The following CFAP69 variants were observed in gnomAD, a reference collection of about 807,000 sequenced individuals.
CFAP69 encodes cilia- and flagella-associated protein 69.
Under a neutral mutation model 123.0 loss-of-function variants are expected in CFAP69, and 92 were observed. The ratio of observed to expected loss-of-function variants is 0.75; its 90% CI spans 0.63 to 0.89. CFAP69 has a LOEUF of 0.89. Ranked by LOEUF, CFAP69 falls within the 40% of genes least tolerant of loss-of-function variation. The pLI is 0.00. For missense variants in CFAP69, 1,067 were observed against 1,096.9 expected (o/e 0.97, Z 0.39); for synonymous variants, 380 against 364.3 (o/e 1.04, Z -0.49).
rs1230686960 is a variant in CFAP69, at chr7:90,266,118, A to G, written c.433+741A>G. 6 of 152,166 alleles carry G rather than the reference A, an allele frequency of 3.9e-5. No individual in the cohort carries two copies. The East Asian group carries it at 1.2e-3, about 29-fold the overall frequency. The allele number at this position is 152,166 out of a possible 1,614,324, so 9.4% of individuals were successfully genotyped here. A position where few individuals can be genotyped will look rare whatever the true frequency, so the allele number is the denominator to read the frequency against. ...CATTTTTAAAAATATTTACGGAATA[A>G]TGATGTTCCCAGCATTATACTCCAT... On this transcript the variant is annotated intron_variant, in intron 5 of 22. Transcript: ENST00000389297.
chr7:90,282,966 A>G lies in CFAP69; in HGVS notation c.1447A>G (p.Ser483Gly), dbSNP rs755861291. The change falls in exon 13 of 23, where the codon AGT (serine) becomes GGT (glycine). Residue 483 changes from serine to glycine, a missense_variant. By Grantham distance (56) the Ser-to-Gly change is moderately conservative. Transcript: ENST00000389297. ...RGNKFAQMRY[S>G]LRLLRAVVYL... is the part of the protein sequence containing the mutation. Reference sequence around the variant, plus strand: ...CAACAAGTTTGCCCAGATGCGTTACAGTTTAAGACTCCTGAGAGCCGTGGT... The same window carrying G: ...CAACAAGTTTGCCCAGATGCGTTACGGTTTAAGACTCCTGAGAGCCGTGGT... 6 of 1,600,638 alleles carry G rather than the reference A, an allele frequency of 3.7e-6. No individual in the cohort carries two copies. The Admixed American group carries it at 8.7e-5, about 23-fold the overall frequency.
chr7:90,276,435 G>C (rs758727301), intron 9 of CFAP69, among the ~76,000 whole-genome samples: 1 of 152,162 alleles, frequency 6.6e-6, no homozygotes, highest in Non-Finnish European at 1.5e-5. Context: ...AAACCATATA[G>C]ATCCTAAAGT....
At position 90,299,928 on chromosome 7, in the gene CFAP69, C is replaced by T. The variant is rs866515548; in HGVS notation, c.1919C>T (p.Pro640Leu). The part of the protein sequence containing the change: ...LGIMVEFCDN[P>L]KTAAHVNAWQ... The stretch of plus-strand genomic sequence containing the variant: ...ATAATGGTTGAATTTTGTGATAATC[C>T]CAAAACTGCAGCTCATGTCAATGCT... The change falls in exon 17 of 23, where the codon CCC (proline) becomes CTC (leucine). Residue 640 changes from proline (P) to leucine (L), a missense_variant. Coordinates refer to ENST00000389297, the MANE Select transcript of CFAP69 (RefSeq NM_001039706.3). The T allele has an allele frequency of 6.2e-7, 1 of 1,610,326 alleles. No individual in the cohort carries two copies. Among genetic ancestry groups the T allele is most frequent in the African/African-American group, 1.3e-5 (1 of 74,626 alleles).
intron 12 of CFAP69, among the ~76,000 whole-genome samples, chr7:90,280,293 G>T (rs896216340): frequency 8.5e-5 from 13 of 152,128 alleles, no homozygotes; most frequent in Non-Finnish European, 1.8e-4. Context: ...AACCTCCTGG[G>T]CTCTAGCGAT....
intron 4 of CFAP69, among the ~76,000 whole-genome samples, chr7:90,262,854 G>C (rs893980144): frequency 6.6e-6 from 1 of 151,854 alleles, no homozygotes; most frequent in Non-Finnish European, 1.5e-5. Flanking sequence ...CTCACTTTTA[G>C]ATTTACTAGC....
chr7:90,264,293 G>T (rs1040572553), intron 4 of CFAP69, among the ~76,000 whole-genome samples: 1 of 151,320 alleles, frequency 6.6e-6, no homozygotes, highest in African/African-American at 2.4e-5. Context: ...ACTGACCCAG[G>T]TTTATGTGCT....
intron 17 of CFAP69, 36 bp downstream of exon 17, chr7:90,300,095 A>C: frequency 5.6e-6 from 8 of 1,430,214 alleles, no homozygotes; most frequent in Non-Finnish European, 7.4e-6. Context: ...GAAGCAATTA[A>C]TGTATATATT....
chr7:90,245,379 G>A lies in CFAP69; in HGVS notation c.-46G>A, dbSNP rs1261792550. On this transcript the variant is annotated 5_prime_UTR_variant, in exon 1 of 23. Coordinates refer to ENST00000389297, the MANE Select transcript of CFAP69 (RefSeq NM_001039706.3). ...TGGGCCCAGCGGCTGCGGGCGCACT[G>A]TAGGACAGGAAGATCCCCCCACTCT... 6.7e-7 allele frequency: 1 copy of A among 1,491,150 alleles called. No homozygotes were observed. The highest frequency in any genetic ancestry group is 1.3e-5 in the South Asian group (1 of 75,500). The allele number at this position is 1,491,150 out of a possible 1,614,324, so 92.4% of individuals were successfully genotyped here.
At chr7:90,292,232 C>T (rs1791311310) in intron 15 of CFAP69, among the ~76,000 whole-genome samples, 1 of 152,100 alleles carries the variant, frequency 6.6e-6, no homozygotes, top group African/African-American at 2.4e-5. Context: ...AAAGCCAAGC[C>T]CAGCCATGGG....
chr7:90,277,090 G>A lies in CFAP69; in HGVS notation c.1002G>A (p.Lys334=). The A allele has an allele frequency of 6.4e-7, 1 of 1,568,830 alleles. No individual in the cohort carries two copies. The highest frequency in any genetic ancestry group is 8.6e-7 in the Non-Finnish European group (1 of 1,157,228). ...EAPMIECGFT[K]DLILFATFNE... is the part of the protein sequence containing the mutation. The stretch of plus-strand genomic sequence containing the variant: ...TATATTAGGAATGTGGCTTTACCAA[G>A]GATTTGATACTGTTTGCCACCTTTA... The change falls in exon 10 of 23, where the codon AAG becomes AAA. Residue 334 remains lysine (K), a synonymous_variant. Coordinates refer to ENST00000389297, the MANE Select transcript of CFAP69 (RefSeq NM_001039706.3).
downstream of CFAP69, chr7:90,311,160 TA>T (rs1401071160): frequency 6.6e-6 from 1 of 152,088 alleles, no homozygotes; most frequent in Non-Finnish European, 1.5e-5. Context: ...GAATAGGAGA[TA>T]AATGCCTTTA....
At position 90,286,362 on chromosome 7, in the gene CFAP69, T is replaced by A. The variant is rs761468390; in HGVS notation, c.1619T>A (p.Ile540Asn). 8 of 1,612,340 alleles carry A rather than the reference T, an allele frequency of 5.0e-6. No individual in the cohort carries two copies. The East Asian group carries it at 1.6e-4, about 32-fold the overall frequency. Reference protein sequence around the residue: ...VLEIQSDILLILSGLCENHIQ... With the variant: ...VLEIQSDILLNLSGLCENHIQ... Reference sequence around the variant, plus strand: ...GAAATCCAGTCTGATATATTACTTATCCTATCTGGCCTTTGTGAGAATCAC... The same window carrying A: ...GAAATCCAGTCTGATATATTACTTAACCTATCTGGCCTTTGTGAGAATCAC... The change falls in exon 14 of 23, where the codon ATC (isoleucine) becomes AAC (asparagine). Residue 540 changes from isoleucine (I) to asparagine (N), a missense_variant. Physicochemically the swap from Ile to Asn is moderately radical, Grantham distance 149. Coordinates refer to ENST00000389297, the MANE Select transcript of CFAP69 (RefSeq NM_001039706.3).
At chr7:90,305,533 C>T (rs2117417506) in intron 19 of CFAP69, among the ~76,000 whole-genome samples, 1 of 151,398 alleles carries the variant, frequency 6.6e-6, no homozygotes, top group East Asian at 2.0e-4. Flanking sequence ...GCTGGGATGA[C>T]AGGCACCCGC....
chr7:90,281,253 T>C lies in CFAP69; in HGVS notation c.1372+1360T>C, dbSNP rs1366027619. 2.0e-5 allele frequency among the ~76,000 whole-genome samples: 3 copies of C among 151,716 alleles called. No homozygotes were observed. The East Asian group carries it at 5.8e-4, about 29-fold the overall frequency. The stretch of plus-strand genomic sequence containing the variant: ...CAAAAATTTAACCCAGGTTCTATAA[T>C]AGAACCCACAATTTTAACCAACATG... On this transcript the variant is annotated intron_variant, in intron 12 of 22. Coordinates refer to ENST00000389297, the MANE Select transcript of CFAP69 (RefSeq NM_001039706.3).
At chr7:90,277,162 A>G (rs770919173) in intron 10 of CFAP69, 41 bp downstream of exon 10, 1 of 1,575,816 alleles carries the variant, frequency 6.3e-7, no homozygotes, top group South Asian at 1.2e-5. Flanking sequence ...AATTATCTTG[A>G]TAAGTCTTGT....
chr7:90,272,279 G>T (rs1277434360), intron 8 of CFAP69: 2 of 189,256 alleles, frequency 1.1e-5, no homozygotes, highest in Non-Finnish European at 2.2e-5. Flanking sequence ...CTATCTCCCA[G>T]ATATTGCAGT....
intron 5 of CFAP69, among the ~76,000 whole-genome samples, chr7:90,266,414 C>T (rs1799174304): frequency 6.6e-6 from 1 of 152,064 alleles, no homozygotes; most frequent in African/African-American, 2.4e-5. Flanking sequence ...TCTCTATCAT[C>T]AGCAGAAATT....
chr7:90,281,303 C>A (rs927617486), intron 12 of CFAP69, among the ~76,000 whole-genome samples: 1 of 145,290 alleles, frequency 6.9e-6, no homozygotes, highest in Non-Finnish European at 1.5e-5. Flanking sequence ...GTATTTTCAA[C>A]TTTTTTTTTT....
intron 2 of CFAP69, among the ~76,000 whole-genome samples, chr7:90,255,956 G>A (rs1797594940): frequency 6.6e-6 from 1 of 152,140 alleles, no homozygotes; most frequent in Non-Finnish European, 1.5e-5. Context: ...CTCAAAATTG[G>A]GAAAGCAGGC....
Sources: allele counts gnomAD v4.1 joint callset (sites outside exome capture counted in the v4.1 genomes callset), GRCh38; gene constraint gnomAD v4.1.1; transcripts MANE v1.5; gene names NCBI Gene and HGNC (gene_info 2026-07-23, HGNC 2026-07-21).